WIPF1: variants seen among roughly 807,000 people sequenced by gnomAD.
The protein encoded by WIPF1 is WAS/WASL-interacting protein family member 1.
In WIPF1, 13 loss-of-function variants were observed where a neutral mutation model predicts 35.4. The ratio of observed to expected loss-of-function variants is 0.37; its 90% CI spans 0.24 to 0.58. The LOEUF is 0.58. Ranked by LOEUF, WIPF1 falls within the 20% of genes least tolerant of loss-of-function variation. The pLI, the probability that WIPF1 is intolerant of heterozygous loss-of-function variation, is 0.74. For synonymous variants in WIPF1, 267 were observed against 266.3 expected (o/e 1.00, Z -0.02); for missense variants, 591 against 667.0 (o/e 0.89, Z 1.25).
At chr2:174,669,225 G>T (rs1574870144) in intron 1 of WIPF1, among the ~76,000 whole-genome samples, 1 of 152,200 alleles carries the variant, frequency 6.6e-6, no homozygotes, top group Non-Finnish European at 1.5e-5. Context: ...TACCCAGACA[G>T]TGAATCCAGA....
At position 174,590,825 on chromosome 2, in the gene WIPF1, A is replaced by G; in HGVS notation, c.-38-5214T>C. Among the ~76,000 whole-genome samples the G allele has an allele frequency of 6.6e-6, 1 of 152,230 alleles. No individual in the cohort carries two copies. The highest frequency in any genetic ancestry group is 1.9e-4 in the East Asian group (1 of 5,200). ...ATTTCAATGTTAAGTAACTTTCATG[A>G]TAGAAAAGCCAGACTTTCTAAAATC... is the stretch of plus-strand genomic sequence containing the variant. On this transcript the variant is annotated intron_variant, in intron 1 of 7. Coordinates refer to ENST00000679041, the MANE Select transcript of WIPF1 (RefSeq NM_001375834.1). This position sits in a 1 kb window ranked among gnomAD's most constrained non-coding sequence, Gnocchi z 4.6.
rs7575539 is a variant in WIPF1, at chr2:174,618,709, C to T, written c.-38-33098G>A. Among the ~76,000 whole-genome samples the T allele has an allele frequency of 8.8e-3, 1,344 of 152,204 alleles. 23 individuals carry two copies. Among genetic ancestry groups the T allele is most frequent in the African/African-American group, 0.031 (1,288 of 41,510 alleles). ...GACAAGTTAAGTTATTTGACCAAGG[C>T]CACAGAGCTTATAAGTGGCAGAGAC... On this transcript the variant is annotated intron_variant, in intron 1 of 8. Transcript: ENST00000272746.
Position 174,559,651 on chromosome 2 carries a change from A to T in WIPF1, c.*2896T>A, listed in dbSNP as rs951545291. ...GGGTAGTCTCTACCCTACCACTTAC[A>T]CTATCCTGATGACACAGATAGCAAA... On this transcript the variant is annotated 3_prime_UTR_variant, in exon 8 of 8. Transcript: ENST00000679041. The T allele has an allele frequency of 1.3e-5, 2 of 152,178 alleles. No individual in the cohort carries two copies. The highest frequency in any genetic ancestry group is 2.9e-5 in the Non-Finnish European group (2 of 67,978). The allele number at this position is 152,178 out of a possible 1,614,324, so 9.4% of individuals were successfully genotyped here.
chr2:174,619,509 C>A (rs1279880267), intron 1 of WIPF1, among the ~76,000 whole-genome samples: 1 of 152,122 alleles, frequency 6.6e-6, no homozygotes, highest in Admixed American at 6.5e-5. Flanking sequence ...ATACACAAAT[C>A]CTTGTGCACA....
intron 2 of WIPF1, among the ~76,000 whole-genome samples, chr2:174,583,139 A>T (rs932286410): frequency 1.3e-4 from 20 of 152,332 alleles, no homozygotes; most frequent in African/African-American, 4.6e-4. Flanking sequence ...ACACCGCTGA[A>T]GCATGCTTGT....
intron 1 of WIPF1, among the ~76,000 whole-genome samples, chr2:174,631,755 C>T (rs1687029489): frequency 6.6e-6 from 1 of 152,170 alleles, no homozygotes; most frequent in Non-Finnish European, 1.5e-5. Flanking sequence ...CATGCCAACT[C>T]AAAACGATAC....
rs534964684 is a variant in WIPF1, at chr2:174,660,747, A to G, written c.-39+22027T>C. ...TTTAATCTTGGCTCAACCATGTTCT[A>G]GCTATGGACTGGAGTTGCTTACTCA... On this transcript the variant is annotated intron_variant, in intron 1 of 8. Transcript: ENST00000272746. 5.9e-5 allele frequency among the ~76,000 whole-genome samples: 9 copies of G among 152,216 alleles called. No individual in the cohort carries two copies. In the South Asian group the frequency reaches 1.9e-3, roughly 32 times the overall value.
intron 1 of WIPF1, chr2:174,630,527 G>A (rs1686985764): frequency 6.6e-6 from 1 of 152,172 alleles, no homozygotes; most frequent in Admixed American, 6.5e-5. Flanking sequence ...CACTTTCATA[G>A]ACAAATGCAA....
intron 1 of WIPF1, among the ~76,000 whole-genome samples, chr2:174,608,505 C>CT (rs1363189531): frequency 1.3e-4 from 20 of 149,554 alleles, no homozygotes; most frequent in Admixed American, 2.0e-4. Context: ...ATGTTTTTTT[C>CT]TTTTTTTTTT....
chr2:174,642,453 TCTC>T (rs1687317358), intron 1 of WIPF1, among the ~76,000 whole-genome samples: 1 of 147,380 alleles, frequency 6.8e-6, no homozygotes, highest in Non-Finnish European at 1.5e-5. Flanking sequence ...TTCATGCCAT[TCTC>T]CTGCCTCAGC....
intron 1 of WIPF1, among the ~76,000 whole-genome samples, chr2:174,631,728 G>A (rs1158338416): frequency 1.3e-5 from 2 of 152,142 alleles, no homozygotes; most frequent in Non-Finnish European, 2.9e-5. Flanking sequence ...CCAGAGACCT[G>A]GGCCTCCAGA....
chr2:174,640,265 A>G (rs1004195949), intron 1 of WIPF1, among the ~76,000 whole-genome samples: 3 of 148,956 alleles, frequency 2.0e-5, no homozygotes, highest in Non-Finnish European at 4.5e-5. Context: ...ACTTTGATGA[A>G]AGATGTTCTC....
intron 1 of WIPF1, among the ~76,000 whole-genome samples, chr2:174,595,106 AAAAATATATAT>A (rs1438603023): frequency 7.0e-5 from 3 of 42,966 alleles, no homozygotes; most frequent in African/African-American, 2.3e-4. Context: ...AAAAAAAAAA[AAAAATATATAT>A]ATATATATAT....
At chr2:174,631,582 T>C (rs1687023398) in intron 1 of WIPF1, among the ~76,000 whole-genome samples, 1 of 152,182 alleles carries the variant, frequency 6.6e-6, no homozygotes, top group African/African-American at 2.4e-5. Flanking sequence ...ATCTTAATGG[T>C]TAAGATGGTA....
At chr2:174,676,310 C>T (rs1688130111) in intron 1 of WIPF1, 1 of 127,698 alleles carries the variant, frequency 7.8e-6, no homozygotes. Context: ...CTTCCTCCCT[C>T]CCTTCTTTTT....
At chr2:174,624,927 G>A (rs147491095) in intron 1 of WIPF1, among the ~76,000 whole-genome samples, 281 of 152,282 alleles carry the variant, frequency 1.8e-3, no homozygotes, top group African/African-American at 5.6e-3. Context: ...TGACCCCATC[G>A]CCCTACAGCG....
chr2:174,671,849 C>A (rs983008360), intron 1 of WIPF1, among the ~76,000 whole-genome samples: 5 of 152,148 alleles, frequency 3.3e-5, no homozygotes, highest in African/African-American at 4.8e-5. Context: ...AATGACAATG[C>A]GTGCCCGAAA....
chr2:174,575,438 T>C, intron 3 of WIPF1, 58 bp from the exon 4 acceptor site: 3 of 1,525,566 alleles, frequency 2.0e-6, no homozygotes, highest in South Asian at 2.5e-5. Flanking sequence ...AGGTAAACCA[T>C]AAAACAACAG....
chr2:174,603,958 G>T (rs1390628929), intron 1 of WIPF1, among the ~76,000 whole-genome samples: 2 of 152,058 alleles, frequency 1.3e-5, no homozygotes, highest in Non-Finnish European at 2.9e-5. Flanking sequence ...TTTTAAAGGA[G>T]GATTTATTTA....
Sources: allele counts gnomAD v4.1 joint callset (sites outside exome capture counted in the v4.1 genomes callset), GRCh38; gene constraint gnomAD v4.1.1; non-coding constraint Gnocchi (gnomAD v3.1); transcripts MANE v1.5; gene names NCBI Gene and HGNC (gene_info 2026-07-23, HGNC 2026-07-21).